The following ELP4 variants were observed in gnomAD, a reference collection of about 807,000 sequenced individuals.
The protein encoded by ELP4 is elongator complex protein 4.
In ELP4, 51 loss-of-function variants were observed where a neutral mutation model predicts 48.9. The ratio of observed to expected loss-of-function variants is 1.04; its 90% CI spans 0.83 to 1.32. ELP4 has a LOEUF of 1.32. Among genes scored for constraint, ELP4 ranks in the 40% most tolerant of loss-of-function variants. The pLI, the probability that ELP4 is intolerant of heterozygous loss-of-function variation, is 0.00. For synonymous variants in ELP4, 210 were observed against 189.2 expected (o/e 1.11, Z -0.90); for missense variants, 519 against 514.6 (o/e 1.01, Z -0.08).
At chr11:31,635,754 A>G (rs1280372162) in intron 7 of ELP4, among the ~76,000 whole-genome samples, 1 of 152,050 alleles carries the variant, frequency 6.6e-6, no homozygotes, top group Non-Finnish European at 1.5e-5. Flanking sequence ...CATCTTCACT[A>G]TTATTACTTA....
chr11:31,776,951 C>T (rs1453027890), intron 9 of ELP4, among the ~76,000 whole-genome samples: 1 of 152,096 alleles, frequency 6.6e-6, no homozygotes, highest in Non-Finnish European at 1.5e-5. Context: ...TGTACACTTG[C>T]CAATCCAAAA....
At chr11:31,763,433 G>A (rs776925639) in intron 9 of ELP4, 24 of 1,608,112 alleles carry the variant, frequency 1.5e-5, no homozygotes, top group Non-Finnish European at 2.0e-5. Context: ...AACTACTTGA[G>A]ACAAGAGAGG....
chr11:31,551,024 C>A (rs992512311), intron 3 of ELP4, among the ~76,000 whole-genome samples: 12 of 152,114 alleles, frequency 7.9e-5, no homozygotes, highest in African/African-American at 2.9e-4. Context: ...TTGAAGAAAT[C>A]CTTCAGGATT....
chr11:31,705,826 A>G (rs1314328638), intron 9 of ELP4, among the ~76,000 whole-genome samples: 1 of 151,090 alleles, frequency 6.6e-6, no homozygotes, highest in Non-Finnish European at 1.5e-5. Flanking sequence ...ATTTCTATAC[A>G]TACAATACAT....
chr11:31,780,955 T>A (rs1948358790), intron 9 of ELP4, among the ~76,000 whole-genome samples: 1 of 152,200 alleles, frequency 6.6e-6, no homozygotes, highest in Non-Finnish European at 1.5e-5. Context: ...CCAGCCCAGA[T>A]CCCTACCCCA....
intron 9 of ELP4, among the ~76,000 whole-genome samples, chr11:31,735,574 C>A (rs892454712): frequency 1.2e-4 from 19 of 152,122 alleles, no homozygotes; most frequent in Non-Finnish European, 1.9e-4. Flanking sequence ...ATCTAGAAAA[C>A]CCCATCGTCT....
At chr11:31,540,294 C>T (rs1956571646) in intron 3 of ELP4, among the ~76,000 whole-genome samples, 1 of 152,054 alleles carries the variant, frequency 6.6e-6, no homozygotes, top group Non-Finnish European at 1.5e-5. Flanking sequence ...GAATTTTCAG[C>T]CTGAAACTGT....
chr11:31,624,191 C>T (rs1944690165), intron 5 of ELP4, among the ~76,000 whole-genome samples: 1 of 151,718 alleles, frequency 6.6e-6, no homozygotes, highest in Non-Finnish European at 1.5e-5. Context: ...CCAACAACCC[C>T]AATTCTGAAC....
rs1592329165 is a variant in ELP4 at position 31,787,238 on chromosome 11, C to G, written c.*3714C>G. 5 of 232,840 alleles carry G rather than the reference C, an allele frequency of 2.1e-5. No individual in the cohort carries two copies. Among genetic ancestry groups the G allele is most frequent in the Non-Finnish European group, 1.7e-5 (2 of 117,800 alleles). The allele number at this position is 232,840 out of a possible 1,614,324, so 14.4% of individuals were successfully genotyped here. On this transcript the variant is annotated 3_prime_UTR_variant, in exon 10 of 10. Coordinates refer to ENST00000640961, the MANE Select transcript of ELP4 (RefSeq NM_019040.5). ...GCAGCTGAGCAGCCGCTTCTTCAGA[C>G]TATACCAGACTGTGCTACTTTGCCC... is the stretch of plus-strand genomic sequence containing the variant.
chr11:31,754,004 T>C (rs1194446004), intron 9 of ELP4, among the ~76,000 whole-genome samples: 2 of 152,220 alleles, frequency 1.3e-5, no homozygotes, highest in African/African-American at 4.8e-5. Flanking sequence ...GATGAGTACA[T>C]GGGTGCTTTA....
intron 6 of ELP4, 27 bp downstream of exon 6, chr11:31,627,221 T>G (rs779773074): frequency 6.7e-6 from 5 of 747,120 alleles, no homozygotes; most frequent in Non-Finnish European, 9.5e-6. Flanking sequence ...AAGTCTTTTA[T>G]AATTATTTAT....
chr11:31,565,902 C>A (rs577426211), intron 3 of ELP4, among the ~76,000 whole-genome samples: 3 of 152,244 alleles, frequency 2.0e-5, no homozygotes, highest in East Asian at 3.9e-4. Flanking sequence ...TTTTCCAATT[C>A]TGTGAAGAAA....
At chr11:31,636,661 T>C (rs775431654) in intron 7 of ELP4, among the ~76,000 whole-genome samples, 1 of 151,906 alleles carries the variant, frequency 6.6e-6, no homozygotes, top group Non-Finnish European at 1.5e-5. Flanking sequence ...AATAAGACTT[T>C]TGTGAGTAGA....
intron 2 of ELP4, among the ~76,000 whole-genome samples, chr11:31,529,837 GT>G (rs1247657444): frequency 2.0e-5 from 3 of 152,118 alleles, no homozygotes; most frequent in African/African-American, 7.2e-5. Context: ...GGGTTCTTCA[GT>G]GACATATAGG....
At chr11:31,756,619 C>T (rs1030773379) in intron 9 of ELP4, among the ~76,000 whole-genome samples, 1 of 152,168 alleles carries the variant, frequency 6.6e-6, no homozygotes, top group Non-Finnish European at 1.5e-5. Context: ...TTACTTGAAT[C>T]TCCAGCTAGC....
intron 6 of ELP4, chr11:31,628,533 T>C (rs1944795084): frequency 6.6e-6 from 1 of 151,984 alleles, no homozygotes; most frequent in South Asian, 2.1e-4. Context: ...ATTTGTTTTC[T>C]TAGTTGTTTA....
intron 9 of ELP4, among the ~76,000 whole-genome samples, chr11:31,657,828 T>A (rs956579274): frequency 4.6e-5 from 7 of 152,030 alleles, no homozygotes; most frequent in Non-Finnish European, 8.8e-5. Flanking sequence ...AGCTAACATG[T>A]TCACAAACTC....
chr11:31,763,099 A>G (rs1479031768), intron 9 of ELP4, among the ~76,000 whole-genome samples: 2 of 151,998 alleles, frequency 1.3e-5, no homozygotes, highest in Non-Finnish European at 2.9e-5. Flanking sequence ...TGAGCAAAAA[A>G]AAAAAGCATA....
At chr11:31,525,652 TG>T (rs1956284703) in intron 2 of ELP4, among the ~76,000 whole-genome samples, 2 of 152,178 alleles carry the variant, frequency 1.3e-5, no homozygotes. Context: ...CTTCTTCCCC[TG>T]GATCTCTTGC....
Sources: gnomAD v4.1 joint callset for allele counts (sites outside exome capture counted in the v4.1 genomes callset) on GRCh38, gnomAD v4.1.1 for gene constraint, MANE v1.5 for transcripts, NCBI Gene and HGNC (gene_info 2026-07-23, HGNC 2026-07-21) for gene names.